Variants in TRMT1L observed in about 807,000 individuals in gnomAD.
The protein encoded by TRMT1L is tRNA methyltransferase 1L.
TRMT1L carries 28 observed loss-of-function variants against 81.6 expected under a neutral mutation model. That is an observed-to-expected ratio of 0.34 (90% CI 0.25 to 0.47). The LOEUF (loss-of-function observed/expected upper bound fraction) is 0.47. Ranked by LOEUF, TRMT1L falls within the 20% of genes least tolerant of loss-of-function variation. The pLI, the probability that TRMT1L is intolerant of heterozygous loss-of-function variation, is 1.00. For synonymous variants in TRMT1L, 301 were observed against 303.2 expected (o/e 0.99, Z 0.07); for missense variants, 739 against 877.1 (o/e 0.84, Z 1.99).
At chr1:185,139,678 A>G in intron 8 of TRMT1L, 99 bp from the exon 9 acceptor site, 1 of 863,964 alleles carries the variant, frequency 1.2e-6, no homozygotes, top group Non-Finnish European at 1.7e-6. Flanking sequence ...GGATTTAAAA[A>G]TACATTGCAA....
chr1:185,155,707 T>C (rs370039093), intron 1 of TRMT1L, among the ~76,000 whole-genome samples: 1 of 152,332 alleles, frequency 6.6e-6, no homozygotes, highest in Admixed American at 6.5e-5. Context: ...TTTTAAAATG[T>C]TAGAAGATCC....
intron 4 of TRMT1L, among the ~76,000 whole-genome samples, chr1:185,146,477 C>T (rs1653191475): frequency 6.6e-6 from 1 of 151,992 alleles, no homozygotes; most frequent in Non-Finnish European, 1.5e-5. Context: ...CCCAAGGTTC[C>T]TTGTGGTACT....
intron 1 of TRMT1L, among the ~76,000 whole-genome samples, chr1:185,153,215 G>C (rs964064195): frequency 4.6e-5 from 7 of 152,082 alleles, no homozygotes; most frequent in African/African-American, 1.7e-4. Context: ...AATTAAATTT[G>C]GAAATACATG....
chr1:185,141,395 G>T (rs1653038415), intron 7 of TRMT1L, among the ~76,000 whole-genome samples: 1 of 152,188 alleles, frequency 6.6e-6, no homozygotes, highest in East Asian at 1.9e-4. Flanking sequence ...TAGCTTTAAT[G>T]ACTTCAGATT....
chr1:185,148,934 T>C (rs12041374), intron 3 of TRMT1L, among the ~76,000 whole-genome samples: 15,163 of 152,248 alleles, frequency 0.1, 982 homozygotes, highest in East Asian at 0.25. Context: ...TCAAGGCTGG[T>C]TGACACTCCA....
chr1:185,127,475 G>A (rs1196703499), intron 11 of TRMT1L, among the ~76,000 whole-genome samples: 4 of 151,990 alleles, frequency 2.6e-5, no homozygotes, highest in African/African-American at 4.8e-5. Context: ...TAAGAATCTC[G>A]GCCGGGTGCG....
At chr1:185,123,989 TAA>T (rs1342322263) in intron 12 of TRMT1L, 70 bp from the exon 13 acceptor site, 4 of 886,578 alleles carry the variant, frequency 4.5e-6, no homozygotes, top group South Asian at 1.9e-5. Context: ...TCAGTTTAAA[TAA>T]AAGTTTATGA....
At chr1:185,126,122 G>A (rs1479381908) in intron 11 of TRMT1L, among the ~76,000 whole-genome samples, 3 of 151,978 alleles carry the variant, frequency 2.0e-5, no homozygotes, top group African/African-American at 7.3e-5. Context: ...TAAGAGACAG[G>A]GTCTCACTAT....
intron 13 of TRMT1L, among the ~76,000 whole-genome samples, chr1:185,122,679 C>G (rs893470204): frequency 2.1e-5 from 3 of 143,630 alleles, no homozygotes; most frequent in African/African-American, 7.8e-5. Flanking sequence ...ACTCTTAAAT[C>G]TAATTTTTTT....
chr1:185,151,726 G>T, intron 2 of TRMT1L, 99 bp downstream of exon 2: 1 of 753,134 alleles, frequency 1.3e-6, no homozygotes, highest in Non-Finnish European at 2.0e-6. Flanking sequence ...AGTTCAGTAA[G>T]AATAAACAAG....
chr1:185,156,771 C>G lies in TRMT1L; in HGVS notation c.-59G>C, dbSNP rs370435566. 3 of 1,601,192 alleles carry G rather than the reference C, an allele frequency of 1.9e-6. No individual in the cohort carries two copies. Among genetic ancestry groups the G allele is most frequent in the Non-Finnish European group, 2.6e-6 (3 of 1,174,580 alleles). ...CCCGGAGCGGGGCTCACGGCGGGGTCAGAGAACTGACGTGAATGCCCACAG... is the reference window on the plus strand; with the variant it reads ...CCCGGAGCGGGGCTCACGGCGGGGTGAGAGAACTGACGTGAATGCCCACAG... On this transcript the variant is annotated 5_prime_UTR_variant, in exon 1 of 15. Coordinates refer to ENST00000367506, the MANE Select transcript of TRMT1L (RefSeq NM_030934.5).
At position 185,143,533 on chromosome 1, in the gene TRMT1L, G is replaced by A. The variant is rs542181676; in HGVS notation, c.780-97C>T. On this transcript the variant is annotated intron_variant, in intron 6 of 14. Coordinates refer to ENST00000367506, the MANE Select transcript of TRMT1L (RefSeq NM_030934.5). ...TAGTGAACTGAAGTTCCTAGTTACT[G>A]TACAAACTATTTCAAAAGGAGACCT... 1.2e-5 allele frequency: 12 copies of A among 1,027,752 alleles called. No individual in the cohort carries two copies. The East Asian group carries it at 1.3e-4, about 11-fold the overall frequency. 63.7% of individuals were successfully genotyped at this position (1,027,752 alleles called of 1,614,324 possible).
chr1:185,137,575 T>C (rs758210288), intron 10 of TRMT1L, 31 bp downstream of exon 10: 11 of 1,591,348 alleles, frequency 6.9e-6, no homozygotes, highest in Non-Finnish European at 4.3e-6. Context: ...TGGAGGATTA[T>C]AGATAAACAT....
intron 10 of TRMT1L, among the ~76,000 whole-genome samples, chr1:185,131,906 C>T (rs1652780104): frequency 6.6e-6 from 1 of 151,972 alleles, no homozygotes; most frequent in African/African-American, 2.4e-5. Context: ...TTTGGGGAGA[C>T]GAGGTAGGCA....
At chr1:185,144,494 C>G (rs1653133132) in intron 5 of TRMT1L, among the ~76,000 whole-genome samples, 1 of 151,938 alleles carries the variant, frequency 6.6e-6, no homozygotes, top group Admixed American at 6.6e-5. Context: ...AAGAATCACT[C>G]TATTTCCTGA....
At chr1:185,153,075 G>C (rs1653406627) in intron 1 of TRMT1L, among the ~76,000 whole-genome samples, 1 of 152,094 alleles carries the variant, frequency 6.6e-6, no homozygotes, top group Non-Finnish European at 1.5e-5. Flanking sequence ...AACCAACTAG[G>C]CTATGTAAAA....
At chr1:185,155,706 G>A (rs971123422) in intron 1 of TRMT1L, among the ~76,000 whole-genome samples, 5 of 152,172 alleles carry the variant, frequency 3.3e-5, no homozygotes, top group East Asian at 3.8e-4. Flanking sequence ...ATTTTAAAAT[G>A]TTAGAAGATC....
Position 185,128,714 on chromosome 1 carries a change from T to A in TRMT1L, c.1547A>T (p.His516Leu). 3.7e-6 allele frequency: 6 copies of A among 1,611,532 alleles called. No homozygotes were observed. Among genetic ancestry groups the A allele is most frequent in the Non-Finnish European group, 5.1e-6 (6 of 1,179,262 alleles). Residue 516 changes from histidine (H) to leucine (L), a missense_variant, in exon 11 of 15, where the codon CAT (histidine) becomes CTT (leucine). Around this residue, in one of 4 missense-constraint regions of TRMT1L, gnomAD observed 331 missense variants for 462.2 expected, o/e 0.72. Coordinates refer to ENST00000367506, the MANE Select transcript of TRMT1L (RefSeq NM_030934.5). The part of the protein sequence containing the change: ...NPYRQLPCNC[H>L]GSMPGKTAIE... ...TGCTGTCTTTCCAGGCATGCTTCCA[T>A]GACAGTTACAAGGCAGCTGTCTATA...
chr1:185,155,231 T>C (rs951904024), intron 1 of TRMT1L, among the ~76,000 whole-genome samples: 2 of 152,224 alleles, frequency 1.3e-5, no homozygotes, highest in African/African-American at 2.4e-5. Context: ...AGAGAATGCA[T>C]GCATTTCCCA....
Sources: allele counts gnomAD v4.1 joint callset (sites outside exome capture counted in the v4.1 genomes callset), GRCh38; gene constraint gnomAD v4.1.1; regional missense constraint gnomAD v4.1.1; transcripts MANE v1.5; gene names NCBI Gene and HGNC (gene_info 2026-07-23, HGNC 2026-07-21).